ANO7: variants seen among roughly 807,000 people sequenced by gnomAD.
The protein encoded by ANO7 is anoctamin-7.
ANO7 carries 114 observed loss-of-function variants against 115.8 expected under a neutral mutation model. That is an observed-to-expected ratio of 0.98 (90% CI 0.85 to 1.15). The LOEUF (loss-of-function observed/expected upper bound fraction) is 1.15, where lower values mean the gene tolerates loss of function less well. ANO7 is among the 50% of genes most tolerant of loss of function. ANO7 has a pLI of 0.00. For synonymous variants in ANO7, 550 were observed against 498.2 expected (o/e 1.10, Z -1.38); for missense variants, 1,302 against 1,201.2 (o/e 1.08, Z -1.24).
intron 21 of ANO7, among the ~76,000 whole-genome samples, chr2:241,221,689 TC>T (rs1449041153): frequency 6.6e-6 from 1 of 151,974 alleles, no homozygotes; most frequent in African/African-American, 2.4e-5. Context: ...TTCTTTTTTT[TC>T]TTTTGAGATG....
rs1445167618 is a variant in ANO7 at position 241,188,721 on chromosome 2, GGT to G, written c.-51_-50del. 1.2e-6 allele frequency: 2 copies of G among 1,613,568 alleles called. No homozygotes were observed. The highest frequency in any genetic ancestry group is 2.7e-5 in the African/African-American group (2 of 74,920). The stretch of plus-strand genomic sequence containing the variant: ...TGCCGAGACCAGGCTCACGCTGAGA[GGT>G]GGGCCATGACCTCCGAGACCTCTTC... On this transcript the variant is annotated 5_prime_UTR_variant, in exon 1 of 25. Coordinates refer to ENST00000674324, the MANE Select transcript of ANO7 (RefSeq NM_001370694.2). This position sits in a 1 kb window ranked among gnomAD's most constrained non-coding sequence, Gnocchi z 4.3.
At chr2:241,226,164 C>T (rs1260944145), downstream of ANO7, among the ~76,000 whole-genome samples, 2 of 151,966 alleles carry the variant, frequency 1.3e-5, no homozygotes, top group Non-Finnish European at 2.9e-5. Flanking sequence ...TGCCCACATG[C>T]GCCCTACCCT....
At chr2:241,189,349 T>C (rs13011576) in intron 1 of ANO7, among the ~76,000 whole-genome samples, 62,479 of 152,050 alleles carry the variant, frequency 0.41, 13,239 homozygotes, top group Middle Eastern at 0.49. Flanking sequence ...GGCGCCTCCA[T>C]GGTCACACCC....
intron 10 of ANO7, among the ~76,000 whole-genome samples, chr2:241,206,964 G>A (rs1417331556): frequency 7.0e-6 from 1 of 142,802 alleles, no homozygotes; most frequent in African/African-American, 2.6e-5. Context: ...GTGCTCCCAG[G>A]CTGACAGGTG....
downstream of ANO7, chr2:241,230,280 T>C (rs1474394189): frequency 2.0e-6 from 3 of 1,532,100 alleles, no homozygotes; most frequent in Non-Finnish European, 2.7e-6. This position sits in a 1 kb window ranked among gnomAD's most constrained non-coding sequence, Gnocchi z 5.0. Flanking sequence ...CTGGAAGGGG[T>C]GTACAACGTC....
At chr2:241,208,815 G>A (rs572968909) in intron 11 of ANO7, among the ~76,000 whole-genome samples, 1 of 152,302 alleles carries the variant, frequency 6.6e-6, no homozygotes, top group African/African-American at 2.4e-5. Context: ...GAGCCGTCCT[G>A]AGGCAAAATT....
chr2:241,239,919 C>T, the ANO7 span: 1 of 1,614,074 alleles, frequency 6.2e-7, no homozygotes, highest in Admixed American at 1.7e-5. This position sits in a 1 kb window ranked among gnomAD's most constrained non-coding sequence, Gnocchi z 4.6. Context: ...GGATCAAGGC[C>T]TCCAGCTCCT....
intron 8 of ANO7, 84 bp downstream of exon 8, chr2:241,202,388 G>T: frequency 7.6e-7 from 1 of 1,312,566 alleles, no homozygotes; most frequent in Admixed American, 1.8e-5. Flanking sequence ...AGGCGGGTGT[G>T]GGGCAGGCAT....
intron 4 of ANO7, among the ~76,000 whole-genome samples, chr2:241,198,797 G>A (rs1188475613): frequency 1.3e-5 from 2 of 152,220 alleles, no homozygotes; most frequent in East Asian, 3.8e-4. Flanking sequence ...GGCTCCAGGA[G>A]CACCTGTCAC....
chr2:241,217,845 G>A lies in ANO7; in HGVS notation c.2132G>A (p.Trp711Ter), dbSNP rs1673428163. The change falls in exon 20 of 25, where the codon TGG becomes TAG. Residue 711 changes from tryptophan (W) to a stop codon, truncating the protein, a stop_gained. Transcript: ENST00000674324. LOFTEE classifies it high-confidence loss of function. ...VAERAQDIGI[W>*]FHILAGLTHL... ...GAGCGCGCCCAGGACATCGGCATCT[G>A]GTTCCACATCCTGGCGGGCCTCACG... 1.9e-6 allele frequency: 3 copies of A among 1,607,676 alleles called. No individual in the cohort carries two copies. The highest frequency in any genetic ancestry group is 3.4e-5 in the Admixed American group (2 of 59,682).
At chr2:241,213,663 G>C (rs927547122) in intron 17 of ANO7, among the ~76,000 whole-genome samples, 9 of 152,228 alleles carry the variant, frequency 5.9e-5, no homozygotes, top group Non-Finnish European at 1.5e-5. Flanking sequence ...CAGGCAGCAG[G>C]GTGGGTGCAT....
intron 1 of ANO7, among the ~76,000 whole-genome samples, chr2:241,189,292 T>C (rs1167486227): frequency 6.6e-6 from 1 of 152,112 alleles, no homozygotes; most frequent in Admixed American, 6.5e-5. Flanking sequence ...CCTCCGCTAA[T>C]GTGAAGTGAA....
the ANO7 span, chr2:241,235,540 C>T: frequency 1.6e-4 from 253 of 1,614,008 alleles, no homozygotes; most frequent in South Asian, 6.6e-5. Flanking sequence ...TGCCCAATAA[C>T]GTAACGGTGA....
intron 10 of ANO7, among the ~76,000 whole-genome samples, chr2:241,205,176 T>C (rs1367852101): frequency 1.3e-5 from 2 of 151,324 alleles, no homozygotes; most frequent in East Asian, 3.9e-4. Context: ...GGCTGACAGG[T>C]GGACAGGAGT....
chr2:241,239,614 G>A, the ANO7 span: 1 of 1,614,064 alleles, frequency 6.2e-7, no homozygotes, highest in Non-Finnish European at 8.5e-7. The surrounding 1 kb of genome is among the most constrained non-coding windows in gnomAD (Gnocchi z 4.6). Flanking sequence ...GGTCCTCAAT[G>A]ATCTCCTGAA....
chr2:241,204,774 T>C, intron 9 of ANO7, 91 bp from the exon 10 acceptor site: 10 of 929,890 alleles, frequency 1.1e-5, no homozygotes, highest in Non-Finnish European at 1.7e-5. Context: ...CTGAGGGTGG[T>C]CCCTAGGGGA....
At position 241,223,200 on chromosome 2, in the gene ANO7, G is replaced by A. The variant is rs372303888; in HGVS notation, c.2336G>A (p.Arg779Gln). The change falls in exon 22 of 25, where the codon CGG (arginine) becomes CAG (glutamine). Residue 779 changes from arginine (R) to glutamine (Q), a missense_variant. Physicochemically the swap from Arg to Gln is conservative, Grantham distance 43 (BLOSUM62 1). Transcript: ENST00000674324. ...HNRTCRYRAF[R>Q]DDDGHYSQTY... ...GTCTGCTGCAGGTATCGGGCTTTCCGGGATGACGATGGACATTATTCCCAG... is the reference window on the plus strand; with the variant it reads ...GTCTGCTGCAGGTATCGGGCTTTCCAGGATGACGATGGACATTATTCCCAG... The A allele has an allele frequency of 3.7e-6, 6 of 1,614,046 alleles. No homozygotes were observed. Among genetic ancestry groups the A allele is most frequent in the African/African-American group, 1.3e-5 (1 of 74,932 alleles).
chr2:241,211,163 A>G (rs2068711002), intron 15 of ANO7, among the ~76,000 whole-genome samples: 1 of 152,128 alleles, frequency 6.6e-6, no homozygotes, highest in Admixed American at 6.5e-5. Context: ...CAGCACCCAA[A>G]GAGTTCTCAC....
the ANO7 span, chr2:241,236,313 C>T: frequency 2.5e-6 from 1 of 399,382 alleles, no homozygotes; most frequent in Non-Finnish European, 4.6e-6. Context: ...TCACATTCAT[C>T]CCCCTGCAGC....
Sources: gnomAD v4.1 joint callset for allele counts (sites outside exome capture counted in the v4.1 genomes callset) on GRCh38, gnomAD v4.1.1 for gene constraint, Gnocchi (gnomAD v3.1) non-coding constraint, MANE v1.5 for transcripts, NCBI Gene and HGNC (gene_info 2026-07-23, HGNC 2026-07-21) for gene names.